Variants in GALNTL6 observed in about 807,000 individuals in gnomAD.
The protein encoded by GALNTL6 is polypeptide N-acetylgalactosaminyltransferase like 6, also known as polypeptide N-acetylgalactosaminyltransferase-like 6.
In GALNTL6, 46 loss-of-function variants were observed where a neutral mutation model predicts 73.7. The ratio of observed to expected loss-of-function variants is 0.62; its 90% CI spans 0.49 to 0.80. GALNTL6 has a LOEUF of 0.80. Among genes scored for constraint, GALNTL6 ranks in the 30% least tolerant of loss-of-function variants. The pLI is 0.00. For synonymous variants in GALNTL6, 259 were observed against 263.7 expected (o/e 0.98, Z 0.17); for missense variants, 604 against 755.0 (o/e 0.80, Z 2.34).
At chr4:172,104,013 C>T (rs925108492) in intron 2 of GALNTL6, among the ~76,000 whole-genome samples, 21 of 151,588 alleles carry the variant, frequency 1.4e-4, no homozygotes, top group Admixed American at 4.6e-4. Flanking sequence ...GTGCAATCTC[C>T]GCTCACTGCA....
intron 2 of GALNTL6, among the ~76,000 whole-genome samples, chr4:172,034,567 C>T (rs1438626636): frequency 2.6e-5 from 4 of 152,080 alleles, no homozygotes; most frequent in Admixed American, 2.6e-4. Context: ...GTGTGATGTG[C>T]ACACTTAGTC....
intron 2 of GALNTL6, among the ~76,000 whole-genome samples, chr4:172,212,824 C>A (rs904257184): frequency 6.6e-6 from 1 of 152,070 alleles, no homozygotes; most frequent in Admixed American, 6.6e-5. Flanking sequence ...TGCACCACCA[C>A]GCCCGGCTAA....
chr4:172,016,019 A>T (rs1579060985), intron 2 of GALNTL6, among the ~76,000 whole-genome samples: 1 of 125,586 alleles, frequency 8.0e-6, no homozygotes, highest in South Asian at 2.5e-4. Context: ...TGGACTTTTG[A>T]TAACCTGATT....
chr4:172,961,973 G>A (rs1044195307), intron 10 of GALNTL6, among the ~76,000 whole-genome samples: 6 of 152,218 alleles, frequency 3.9e-5, no homozygotes, highest in African/African-American at 1.4e-4. Context: ...TCACCAGGGT[G>A]CAGGTGGGCT....
chr4:172,069,369 GTATA>G (rs528372225), intron 2 of GALNTL6, among the ~76,000 whole-genome samples: 1 of 94,494 alleles, frequency 1.1e-5, no homozygotes, highest in East Asian at 2.4e-4. Context: ...TATGTAGTGT[GTATA>G]TATATGTGTG....
At chr4:172,256,914 C>T (rs1001369716) in intron 3 of GALNTL6, among the ~76,000 whole-genome samples, 4 of 151,286 alleles carry the variant, frequency 2.6e-5, no homozygotes, top group Non-Finnish European at 5.9e-5. Flanking sequence ...CTTATGTTCT[C>T]ATGGTAAGGT....
At chr4:172,936,077 T>C (rs914223835) in intron 9 of GALNTL6, among the ~76,000 whole-genome samples, 1 of 152,176 alleles carries the variant, frequency 6.6e-6, no homozygotes, top group African/African-American at 2.4e-5. Flanking sequence ...ATAAAGCTTA[T>C]CCACCATGAT....
At chr4:172,783,461 TATAATATTATACACTATTA>T (rs1023519623) in intron 5 of GALNTL6, among the ~76,000 whole-genome samples, 4 of 147,732 alleles carry the variant, frequency 2.7e-5, no homozygotes, top group East Asian at 1.9e-4. Context: ...ATTATAACAA[TATAATATTATACACTATTA>T]ATAATATTAT....
chr4:172,854,053 T>G (rs1743988107), intron 7 of GALNTL6, among the ~76,000 whole-genome samples: 1 of 152,186 alleles, frequency 6.6e-6, no homozygotes, highest in Non-Finnish European at 1.5e-5. Context: ...CCTAGATGTA[T>G]TCACTGCAGG....
At chr4:172,032,079 A>G in intron 2 of GALNTL6, among the ~76,000 whole-genome samples, 1 of 152,142 alleles carries the variant, frequency 6.6e-6, no homozygotes, top group South Asian at 2.1e-4. Context: ...GGAGTAAAAT[A>G]TTTGGCAACT....
At chr4:172,781,445 A>T (rs1009084644) in intron 5 of GALNTL6, among the ~76,000 whole-genome samples, 4 of 152,192 alleles carry the variant, frequency 2.6e-5, no homozygotes, top group Non-Finnish European at 5.9e-5. Context: ...ATAAAATGAA[A>T]CAAGTATGAT....
At chr4:171,888,810 C>T (rs1018813517) in intron 2 of GALNTL6, among the ~76,000 whole-genome samples, 2 of 152,028 alleles carry the variant, frequency 1.3e-5, no homozygotes, top group African/African-American at 4.8e-5. Context: ...TAAAGAAGTG[C>T]ATATGTATCT....
intron 7 of GALNTL6, among the ~76,000 whole-genome samples, chr4:172,872,693 C>CTTT (rs1745007337): frequency 6.6e-6 from 1 of 152,150 alleles, no homozygotes; most frequent in Non-Finnish European, 1.5e-5. Flanking sequence ...AAGAGTCAAA[C>CTTT]CAGAAAAGAA....
At chr4:172,718,033 C>T (rs2111347293) in intron 5 of GALNTL6, among the ~76,000 whole-genome samples, 1 of 152,250 alleles carries the variant, frequency 6.6e-6, no homozygotes, top group East Asian at 1.9e-4. Flanking sequence ...AGCAACATAA[C>T]TATAGTATAA....
intron 4 of GALNTL6, among the ~76,000 whole-genome samples, chr4:172,339,257 C>CCCCACACA (rs1741462538): frequency 3.3e-5 from 4 of 121,006 alleles, no homozygotes; most frequent in African/African-American, 1.3e-4. Context: ...CACACACACA[C>CCCCACACA]CACACACACA....
chr4:172,229,666 T>C lies in GALNTL6; in HGVS notation c.149T>C (p.Leu50Pro). 1 of 1,611,058 alleles carries C rather than the reference T, an allele frequency of 6.2e-7. No individual in the cohort carries two copies. The highest frequency in any genetic ancestry group is 8.5e-7 in the Non-Finnish European group (1 of 1,177,350). ...TTTCCTTTTCCACAGACATTTCCACTGGGCCTGGGAGATGGGCAATTCTAT... is the reference window on the plus strand; with the variant it reads ...TTTCCTTTTCCACAGACATTTCCACCGGGCCTGGGAGATGGGCAATTCTAT... ...AEPGEQQTFP[L>P]GLGDGQFYSW... The change falls in exon 3 of 13, where the codon CTG (leucine) becomes CCG (proline). Residue 50 changes from leucine to proline, a missense_variant. This residue lies in a region of GALNTL6 where 141 missense variants were observed against 156.6 expected (regional missense o/e 0.90). Coordinates refer to ENST00000506823, the MANE Select transcript of GALNTL6 (RefSeq NM_001034845.3).
At chr4:171,991,109 C>T (rs1159957094) in intron 2 of GALNTL6, among the ~76,000 whole-genome samples, 1 of 152,020 alleles carries the variant, frequency 6.6e-6, no homozygotes, top group Non-Finnish European at 1.5e-5. Flanking sequence ...TAATAACCTT[C>T]CAAAAGATCA....
At chr4:172,928,490 A>G (rs1005564793) in intron 8 of GALNTL6, among the ~76,000 whole-genome samples, 23 of 152,226 alleles carry the variant, frequency 1.5e-4, no homozygotes, top group African/African-American at 5.5e-4. Flanking sequence ...ATTGCCTTAA[A>G]TTATCAGCTA....
chr4:172,134,312 G>C (rs974875068), intron 2 of GALNTL6, among the ~76,000 whole-genome samples: 3 of 151,834 alleles, frequency 2.0e-5, no homozygotes, highest in Non-Finnish European at 2.9e-5. Context: ...ATGAACCTGG[G>C]AGGCGGAGTT....
Sources: gnomAD v4.1 joint callset for allele counts (sites outside exome capture counted in the v4.1 genomes callset) on GRCh38, gnomAD v4.1.1 for gene constraint, gnomAD v4.1.1 regional missense constraint, MANE v1.5 for transcripts, NCBI Gene and HGNC (gene_info 2026-07-23, HGNC 2026-07-21) for gene names.